The following YEATS2 variants were observed in gnomAD, a reference collection of about 807,000 sequenced individuals.
YEATS2 encodes YEATS domain-containing protein 2.
In YEATS2, 77 loss-of-function variants were observed where a neutral mutation model predicts 163.2. That is an observed-to-expected ratio of 0.47 (90% CI 0.39 to 0.57). The LOEUF is 0.57. YEATS2 is among the 20% of genes least tolerant of loss of function. The pLI, the probability that YEATS2 is intolerant of heterozygous loss-of-function variation, is 0.00. For synonymous variants in YEATS2, 631 were observed against 645.1 expected, an observed-to-expected ratio of 0.98 and a Z score of 0.33; for missense variants, 1,549 against 1,729.8, an observed-to-expected ratio of 0.90 and a Z score of 1.85.
intron 1 of YEATS2, among the ~76,000 whole-genome samples, chr3:183,702,845 AGGG>A (rs1400250835): frequency 9.2e-5 from 14 of 151,606 alleles, no homozygotes; most frequent in African/African-American, 3.4e-4. Context: ...AAAAAAAAAA[AGGG>A]AATGGTAAAA....
intron 21 of YEATS2, among the ~76,000 whole-genome samples, chr3:183,794,812 A>G (rs1379518531): frequency 2.0e-5 from 3 of 152,100 alleles, no homozygotes. Flanking sequence ...TAAGGCATTT[A>G]TACCCTTTTC....
intron 21 of YEATS2, among the ~76,000 whole-genome samples, chr3:183,797,502 A>ACCACT (rs1250769621): frequency 6.6e-6 from 1 of 151,788 alleles, no homozygotes; most frequent in Non-Finnish European, 1.5e-5. Flanking sequence ...CTATGATTGT[A>ACCACT]CCACTGCGCT....
intron 2 of YEATS2, among the ~76,000 whole-genome samples, chr3:183,716,186 C>A (rs1715856920): frequency 6.6e-6 from 1 of 152,112 alleles, no homozygotes; most frequent in African/African-American, 2.4e-5. Context: ...GTCTCCATCT[C>A]CTGACCTCGT....
At chr3:183,801,120 C>A in intron 24 of YEATS2, 1 of 199,896 alleles carries the variant, frequency 5.0e-6, no homozygotes, top group Non-Finnish European at 1.0e-5. Context: ...TGTAATAACC[C>A]TAAGATGGGT....
At chr3:183,742,320 T>C (rs934248945) in intron 8 of YEATS2, among the ~76,000 whole-genome samples, 6 of 152,234 alleles carry the variant, frequency 3.9e-5, no homozygotes, top group African/African-American at 1.2e-4. Flanking sequence ...GAAAGCCTTC[T>C]GGAAAGGACT....
chr3:183,748,576 C>CTTTTCTCTTCTCTTTTCTTCT (rs890653933), intron 9 of YEATS2, among the ~76,000 whole-genome samples: 4 of 151,556 alleles, frequency 2.6e-5, no homozygotes, highest in African/African-American at 9.7e-5. Flanking sequence ...AGGCTTTCTC[C>CTTTTCTCTTCTCTTTTCTTCT]TTTTCTCTTC....
chr3:183,786,099 T>A, intron 19 of YEATS2, 26 bp from the exon 20 acceptor site: 1 of 1,604,168 alleles, frequency 6.2e-7, no homozygotes, highest in Non-Finnish European at 8.5e-7. Flanking sequence ...GCAACATGAT[T>A]ATTTCTGCCC....
chr3:183,793,705 C>T (rs574131996), intron 21 of YEATS2, among the ~76,000 whole-genome samples: 21 of 149,870 alleles, frequency 1.4e-4, no homozygotes, highest in African/African-American at 3.5e-4. Flanking sequence ...CTCTGCCTCC[C>T]GAGTTCCAGC....
chr3:183,761,746 T>C, intron 14 of YEATS2, 132 bp downstream of exon 14: 1 of 831,342 alleles, frequency 1.2e-6, no homozygotes, highest in Non-Finnish European at 1.9e-6. Flanking sequence ...CGTGCTTCCA[T>C]GTATTTAATG....
chr3:183,725,142 G>T (rs1431517699), intron 6 of YEATS2, among the ~76,000 whole-genome samples: 1 of 140,484 alleles, frequency 7.1e-6, no homozygotes, highest in Non-Finnish European at 1.5e-5. Flanking sequence ...TATTTTCTCT[G>T]TACTGCCTCT....
chr3:183,781,680 A>G (rs1281740737), intron 19 of YEATS2, among the ~76,000 whole-genome samples: 2 of 152,188 alleles, frequency 1.3e-5, no homozygotes, highest in Non-Finnish European at 2.9e-5. Context: ...GATATAATAA[A>G]ATAATGCATA....
At chr3:183,720,582 T>C (rs1043837173) in intron 4 of YEATS2, among the ~76,000 whole-genome samples, 2 of 152,146 alleles carry the variant, frequency 1.3e-5, no homozygotes, top group Non-Finnish European at 2.9e-5. Flanking sequence ...TGCTGTCTTA[T>C]AGAAACTAGA....
At chr3:183,752,878 A>G (rs752486900) in intron 10 of YEATS2, among the ~76,000 whole-genome samples, 3 of 150,398 alleles carry the variant, frequency 2.0e-5, no homozygotes, top group East Asian at 2.0e-4. Context: ...CCTCACTGCA[A>G]CCTCCACCTC....
chr3:183,776,733 C>T (rs1352808987), intron 18 of YEATS2, among the ~76,000 whole-genome samples: 1 of 152,078 alleles, frequency 6.6e-6, no homozygotes, highest in Non-Finnish European at 1.5e-5. Context: ...GCAGGCAGAT[C>T]ACCTGAGGTC....
In YEATS2 at chr3:183,764,050, A is replaced by G. The variant is rs1451508667; in HGVS notation, c.1947+1771A>G. Reference sequence around the variant, plus strand: ...GCCACTGCATTTCAGCCTGGGTGACAGAGGGAGACTGTCTCAAAAACAAAA... The same window carrying G: ...GCCACTGCATTTCAGCCTGGGTGACGGAGGGAGACTGTCTCAAAAACAAAA... On this transcript the variant is annotated intron_variant, in intron 15 of 30. Coordinates refer to ENST00000305135, the MANE Select transcript of YEATS2 (RefSeq NM_018023.5). 2.6e-5 allele frequency among the ~76,000 whole-genome samples: 4 copies of G among 151,904 alleles called. No homozygotes were observed. The East Asian group carries it at 7.7e-4, about 29-fold the overall frequency.
intron 28 of YEATS2, 153 bp from the exon 29 acceptor site, chr3:183,807,877 C>A: frequency 1.7e-6 from 1 of 589,960 alleles, no homozygotes; most frequent in South Asian, 2.2e-5. Context: ...ATGTTATATT[C>A]CGTGTTCCTT....
intron 18 of YEATS2, among the ~76,000 whole-genome samples, chr3:183,776,746 G>C (rs1483880481): frequency 1.3e-5 from 2 of 152,062 alleles, no homozygotes; most frequent in Non-Finnish European, 2.9e-5. Flanking sequence ...CTGAGGTCAG[G>C]AGTTCAAGAC....
intron 21 of YEATS2, 102 bp downstream of exon 21, chr3:183,791,082 A>G: frequency 2.1e-6 from 3 of 1,454,242 alleles, no homozygotes; most frequent in African/African-American, 2.8e-5. Flanking sequence ...CGCCCAAGCT[A>G]GAGTGCAATA....
At chr3:183,738,415 T>C (rs1460265517) in intron 8 of YEATS2, among the ~76,000 whole-genome samples, 2 of 148,394 alleles carry the variant, frequency 1.3e-5, no homozygotes, top group East Asian at 3.9e-4. Flanking sequence ...TTTTTTTTTT[T>C]TAATACTTTA....
Sources: allele counts gnomAD v4.1 joint callset (sites outside exome capture counted in the v4.1 genomes callset), GRCh38; gene constraint gnomAD v4.1.1; transcripts MANE v1.5; gene names NCBI Gene and HGNC (gene_info 2026-07-23, HGNC 2026-07-21).